SPART: variants seen among roughly 807,000 people sequenced by gnomAD.
SPART encodes the protein spastic paraplegia 20 (Troyer syndrome).
A neutral mutation model predicts 58.7 loss-of-function variants in SPART; 35 were observed. The ratio of observed to expected loss-of-function variants is 0.60; its 90% CI spans 0.46 to 0.79. The LOEUF (loss-of-function observed/expected upper bound fraction) is 0.79, where lower values mean the gene tolerates loss of function less well. SPART is among the 30% of genes least tolerant of loss of function. The pLI is 0.00. For missense variants in SPART, 730 were observed against 786.1 expected (o/e 0.93, Z 0.85); for synonymous variants, 284 against 280.7 (o/e 1.01, Z -0.12).
At chr13:36,315,971 C>A (rs576381721) in intron 5 of SPART, among the ~76,000 whole-genome samples, 18 of 152,272 alleles carry the variant, frequency 1.2e-4, no homozygotes, top group Admixed American at 1.2e-3. Context: ...TGGAAGTATA[C>A]AGTATACATA....
At chr13:36,358,352 G>A (rs1470842355) in intron 1 of SPART, among the ~76,000 whole-genome samples, 4 of 151,916 alleles carry the variant, frequency 2.6e-5, no homozygotes, top group African/African-American at 9.7e-5. Context: ...ATACTAACTT[G>A]AAAAACCATC....
At chr13:36,345,277 C>T (rs562123730) in intron 1 of SPART, among the ~76,000 whole-genome samples, 16 of 152,244 alleles carry the variant, frequency 1.1e-4, no homozygotes, top group Admixed American at 3.3e-4. Context: ...GAAGCCGACC[C>T]GAAACCACAT....
At chr13:36,341,601 A>G (rs1042975601) in intron 1 of SPART, among the ~76,000 whole-genome samples, 5 of 152,164 alleles carry the variant, frequency 3.3e-5, no homozygotes, top group African/African-American at 1.2e-4. Context: ...AAAACTTACG[A>G]TAGAAGAATT....
chr13:36,359,935 A>AAAAAAC (rs1555266118), intron 1 of SPART, among the ~76,000 whole-genome samples: 3 of 151,116 alleles, frequency 2.0e-5, no homozygotes, highest in Non-Finnish European at 2.9e-5. Context: ...AAAAAAAAAA[A>AAAAAAC]AAAAAAACAC....
chr13:36,355,329 C>T (rs1885579628), intron 1 of SPART, among the ~76,000 whole-genome samples: 1 of 152,072 alleles, frequency 6.6e-6, no homozygotes, highest in Non-Finnish European at 1.5e-5. Context: ...CCTAGCTCTA[C>T]AACATGTATT....
intron 1 of SPART, among the ~76,000 whole-genome samples, chr13:36,345,220 T>C (rs576678452): frequency 6.6e-5 from 10 of 152,280 alleles, no homozygotes; most frequent in African/African-American, 2.4e-4. Flanking sequence ...TCATTCTAGC[T>C]TCTTAGGGAA....
chr13:36,335,930 C>T lies in SPART; in HGVS notation c.-2-98G>A, dbSNP rs546061799. On this transcript the variant is annotated intron_variant, in intron 1 of 8. Coordinates refer to ENST00000438666, the MANE Select transcript of SPART (RefSeq NM_015087.5). ...ATATATTTTAAGAGGACAAGTGCCT[C>T]GCTTATCTCTGTTTTGTTCACTATT... is the stretch of plus-strand genomic sequence containing the variant. The T allele has an allele frequency of 5.7e-4, 553 of 962,484 alleles. 1 individual carries two copies. Among genetic ancestry groups the T allele is most frequent in the Non-Finnish European group, 8.5e-4 (517 of 609,492 alleles). 59.6% of individuals were successfully genotyped at this position (962,484 alleles called of 1,614,324 possible). A position where few individuals can be genotyped will look rare whatever the true frequency, so the allele number is the denominator to read the frequency against.
intron 1 of SPART, among the ~76,000 whole-genome samples, chr13:36,367,509 C>CT (rs1886108057): frequency 6.6e-6 from 1 of 152,152 alleles, no homozygotes; most frequent in South Asian, 2.1e-4. Flanking sequence ...CCTCTTTTGG[C>CT]TTTGGAGACC....
intron 1 of SPART, among the ~76,000 whole-genome samples, chr13:36,366,587 G>A (rs1053301845): frequency 2.6e-5 from 4 of 152,028 alleles, no homozygotes; most frequent in Admixed American, 6.6e-5. Flanking sequence ...TTGAAATTTC[G>A]AGTGCATCTG....
rs1309280971 is a variant in SPART at position 36,303,008 on chromosome 13, T to A, written c.*1357A>T. 6.6e-6 allele frequency: 1 copy of A among 152,184 alleles called. No homozygotes were observed. Among genetic ancestry groups the A allele is most frequent in the East Asian group, 1.9e-4 (1 of 5,196 alleles). 9.4% of individuals were successfully genotyped at this position (152,184 alleles called of 1,614,324 possible). A position where few individuals can be genotyped will look rare whatever the true frequency, so the allele number is the denominator to read the frequency against. Reference sequence around the variant, plus strand: ...GCCATTCCATTTCTTAAACAAAGCATAGACTGTCTGTAAGCTATTTACCAC... The same window carrying A: ...GCCATTCCATTTCTTAAACAAAGCAAAGACTGTCTGTAAGCTATTTACCAC... On this transcript the variant is annotated 3_prime_UTR_variant, in exon 9 of 9. Transcript: ENST00000438666.
chr13:36,326,695 T>C lies in SPART; in HGVS notation c.1168A>G (p.Lys390Glu), dbSNP rs773279542. Residue 390 changes from lysine (K) to glutamate (E), a missense_variant, in exon 5 of 9, where the codon AAA (lysine) becomes GAA (glutamate). Physicochemically the swap from Lys to Glu is moderately conservative, Grantham distance 56 (BLOSUM62 1). Coordinates refer to ENST00000438666, the MANE Select transcript of SPART (RefSeq NM_015087.5). ...TTAACTTCTTCACTTGAAGTATCTT[T>C]AGCCTAAACAGTAAAAATGTTTCAA... ...RHKGKRGKRA[K>E]DTSSEEVNLS... 2.5e-6 allele frequency: 4 copies of C among 1,612,648 alleles called. No individual in the cohort carries two copies. The highest frequency in any genetic ancestry group is 2.2e-5 in the South Asian group (2 of 91,030).
chr13:36,365,256 T>C (rs1886012142), intron 1 of SPART, among the ~76,000 whole-genome samples: 1 of 152,234 alleles, frequency 6.6e-6, no homozygotes. Flanking sequence ...AAAAAAATTA[T>C]ACAGTGCAAA....
At chr13:36,358,421 A>C (rs1240361758) in intron 1 of SPART, among the ~76,000 whole-genome samples, 1 of 152,202 alleles carries the variant, frequency 6.6e-6, no homozygotes, top group Admixed American at 6.5e-5. Context: ...TGAAGAGGAG[A>C]AATGAAAGTT....
At chr13:36,334,618 T>C (rs533950961) in intron 2 of SPART, among the ~76,000 whole-genome samples, 126 of 152,160 alleles carry the variant, frequency 8.3e-4, no homozygotes, top group Non-Finnish European at 1.7e-3. Context: ...TTCTGGACCA[T>C]GGGCTCGGTC....
At chr13:36,319,304 G>T (rs972486370) in intron 5 of SPART, among the ~76,000 whole-genome samples, 1 of 148,354 alleles carries the variant, frequency 6.7e-6, no homozygotes, top group Non-Finnish European at 1.5e-5. Context: ...CCTCCTTTGC[G>T]TCCCCCTCTT....
intron 4 of SPART, among the ~76,000 whole-genome samples, chr13:36,328,554 A>T (rs1262504769): frequency 6.6e-6 from 1 of 152,210 alleles, no homozygotes; most frequent in Non-Finnish European, 1.5e-5. Flanking sequence ...TAATAGCCAC[A>T]TTGGATAGAA....
At chr13:36,349,223 A>G (rs904363492), upstream of SPART, among the ~76,000 whole-genome samples, 2 of 152,210 alleles carry the variant, frequency 1.3e-5, no homozygotes, top group Non-Finnish European at 2.9e-5. Flanking sequence ...AGATTGTGCC[A>G]TTGACTCCAG....
Position 36,365,421 on chromosome 13 carries a change from A to T in SPART, c.-3+4668T>A, listed in dbSNP as rs916244122. 127 of 341,570 alleles carry T rather than the reference A, an allele frequency of 3.7e-4. 1 individual carries two copies. The highest frequency in any genetic ancestry group is 2.5e-3 in the African/African-American group (118 of 46,444). 21.2% of individuals were successfully genotyped at this position (341,570 alleles called of 1,614,324 possible). On this transcript the variant is annotated intron_variant, in intron 1 of 8. Transcript: ENST00000355182. ...TGGGATATGTTACTATGTTATTATT[A>T]TTCTTTTTCATTTTTATTAATCTTC...
At chr13:36,326,276 G>A in intron 5 of SPART, 1 of 370,698 alleles carries the variant, frequency 2.7e-6, no homozygotes, top group South Asian at 2.3e-5. Flanking sequence ...GCTTCAAAGG[G>A]GAAACGAACA....
Sources: gnomAD v4.1 joint callset for allele counts (sites outside exome capture counted in the v4.1 genomes callset) on GRCh38, gnomAD v4.1.1 for gene constraint, MANE v1.5 for transcripts, NCBI Gene and HGNC (gene_info 2026-07-23, HGNC 2026-07-21) for gene names.